The following ROPN1L variants were observed in gnomAD, a reference collection of about 807,000 sequenced individuals.
The protein encoded by ROPN1L is ropporin-1-like protein.
In ROPN1L, 23 loss-of-function variants were observed where a neutral mutation model predicts 22.7. That is an observed-to-expected ratio of 1.01 (90% CI 0.73 to 1.43). The LOEUF (loss-of-function observed/expected upper bound fraction) is 1.43, where lower values mean the gene tolerates loss of function less well. ROPN1L is among the 40% of genes most tolerant of loss of function. The pLI, the probability that ROPN1L is intolerant of heterozygous loss-of-function variation, is 0.00. For synonymous variants in ROPN1L, 116 were observed against 117.8 expected, an observed-to-expected ratio of 0.98 and a Z score of 0.10; for missense variants, 271 against 291.5, an observed-to-expected ratio of 0.93 and a Z score of 0.51.
At chr5:10,448,592 C>T (rs1263217791) in intron 2 of ROPN1L, among the ~76,000 whole-genome samples, 1 of 152,242 alleles carries the variant, frequency 6.6e-6, no homozygotes, top group African/African-American at 2.4e-5. Flanking sequence ...CTAGCTTCAA[C>T]AGCCCCAAGT....
downstream of ROPN1L, among the ~76,000 whole-genome samples, chr5:10,475,024 A>G (rs1579666606): frequency 6.6e-6 from 1 of 152,372 alleles, no homozygotes; most frequent in Non-Finnish European, 1.5e-5. Context: ...ATGGGAATGG[A>G]AATTGCTTGC....
At chr5:10,467,855 C>A (rs1439401736), downstream of ROPN1L, among the ~76,000 whole-genome samples, 1 of 152,200 alleles carries the variant, frequency 6.6e-6, no homozygotes, top group Non-Finnish European at 1.5e-5. Flanking sequence ...ATGCCAAGGC[C>A]TCATTCGGAG....
intron 3 of ROPN1L, among the ~76,000 whole-genome samples, chr5:10,450,549 A>G (rs1046045030): frequency 5.9e-5 from 9 of 152,120 alleles, no homozygotes; most frequent in Admixed American, 2.0e-4. Context: ...CCCAGGCTGG[A>G]GTACAATGGC....
In ROPN1L at chr5:10,458,156, G is replaced by A. The variant is rs149608268; in HGVS notation, c.418-3028G>A. Among the ~76,000 whole-genome samples, 78 of 152,116 alleles carry A rather than the reference G, an allele frequency of 5.1e-4. 1 individual carries two copies. Among genetic ancestry groups the A allele is most frequent in the Admixed American group, 1.6e-3 (25 of 15,288 alleles). On this transcript the variant is annotated intron_variant, in intron 3 of 4. Coordinates refer to ENST00000274134, the MANE Select transcript of ROPN1L (RefSeq NM_031916.5). ...CGGCTCCAGCACAGCACCGGGCTCCGAGGAAATCCTGTGCCACCCGCCAGT... is the reference window on the plus strand; with the variant it reads ...CGGCTCCAGCACAGCACCGGGCTCCAAGGAAATCCTGTGCCACCCGCCAGT...
At chr5:10,449,746 T>G (rs1370475631) in intron 2 of ROPN1L, among the ~76,000 whole-genome samples, 1 of 152,162 alleles carries the variant, frequency 6.6e-6, no homozygotes, top group Non-Finnish European at 1.5e-5. Context: ...TCACCGTCCT[T>G]TTTTCATTTA....
chr5:10,451,056 GC>G (rs1741238083), intron 3 of ROPN1L, among the ~76,000 whole-genome samples: 1 of 152,220 alleles, frequency 6.6e-6, no homozygotes, highest in African/African-American at 2.4e-5. Flanking sequence ...CCAGGCATCT[GC>G]CATGTGAAGC....
intron 1 of ROPN1L, among the ~76,000 whole-genome samples, chr5:10,445,263 G>A (rs1026887596): frequency 6.6e-6 from 1 of 152,146 alleles, no homozygotes; most frequent in African/African-American, 2.4e-5. Flanking sequence ...GAGCCACCGC[G>A]CCTGACCAAG....
chr5:10,477,888 C>G, the ROPN1L span: 1 of 152,342 alleles, frequency 6.6e-6, no homozygotes, highest in East Asian at 1.9e-4. Flanking sequence ...AAAGATCACA[C>G]TACTGCACTC....
At chr5:10,468,957 C>A (rs1377662108), downstream of ROPN1L, among the ~76,000 whole-genome samples, 2 of 151,314 alleles carry the variant, frequency 1.3e-5, no homozygotes, top group Non-Finnish European at 2.9e-5. Context: ...AGATCGAGAC[C>A]ATCCTGGCTA....
At chr5:10,450,157 G>C in intron 3 of ROPN1L, 44 bp downstream of exon 3, 5 of 1,442,750 alleles carry the variant, frequency 3.5e-6, no homozygotes, top group Non-Finnish European at 4.6e-6. Flanking sequence ...GTGTCATCAT[G>C]GTCCCAGCTT....
chr5:10,467,729 C>G (rs142829870), downstream of ROPN1L, among the ~76,000 whole-genome samples: 599 of 152,368 alleles, frequency 3.9e-3, 3 homozygotes, highest in African/African-American at 0.014. Flanking sequence ...TCCTGCATGA[C>G]TCAGCTTGCA....
At chr5:10,466,944 T>C (rs1735165385), downstream of ROPN1L, among the ~76,000 whole-genome samples, 1 of 152,176 alleles carries the variant, frequency 6.6e-6, no homozygotes, top group Non-Finnish European at 1.5e-5. Context: ...CCTCACATGG[T>C]CTTCCCTTGT....
chr5:10,452,319 G>GTCTC (rs1367933934), intron 3 of ROPN1L, among the ~76,000 whole-genome samples: 1 of 144,106 alleles, frequency 6.9e-6, no homozygotes, highest in African/African-American at 2.8e-5. Flanking sequence ...GTGTGTCTGT[G>GTCTC]TGTGTGTGTG....
downstream of ROPN1L, among the ~76,000 whole-genome samples, chr5:10,466,528 G>A (rs1356172924): frequency 1.3e-5 from 2 of 152,098 alleles, no homozygotes; most frequent in African/African-American, 2.4e-5. Context: ...AAACTCCAAC[G>A]TGAAAATCTG....
chr5:10,472,981 C>T (rs1468458831), downstream of ROPN1L, among the ~76,000 whole-genome samples: 1 of 152,120 alleles, frequency 6.6e-6, no homozygotes, highest in Non-Finnish European at 1.5e-5. Flanking sequence ...TGCCAGGGTT[C>T]CCAGGGGCTA....
chr5:10,446,897 G>A (rs923807000), intron 1 of ROPN1L, among the ~76,000 whole-genome samples: 10 of 152,120 alleles, frequency 6.6e-5, no homozygotes, highest in Admixed American at 5.2e-4. Context: ...ACACCCTTTA[G>A]GTCTTTAGGT....
rs768427973 is a variant in ROPN1L, at chr5:10,442,199, A to G, written c.32A>G (p.Gln11Arg). MPLPDTMFCA[Q>R]QIHIPPELPD... is the part of the protein sequence containing the mutation. ...CTTCCCGACACCATGTTCTGCGCTC[A>G]GCAGATCCACATTCCCCCGGAGCTG... The change falls in exon 1 of 5, where the codon CAG (glutamine) becomes CGG (arginine). Residue 11 changes from glutamine (Q) to arginine (R), a missense_variant. Physicochemically the swap from Gln to Arg is conservative, Grantham distance 43 (BLOSUM62 1). Coordinates refer to ENST00000274134, the MANE Select transcript of ROPN1L (RefSeq NM_031916.5). 20 of 1,613,668 alleles carry G rather than the reference A, an allele frequency of 1.2e-5. No homozygotes were observed. The highest frequency in any genetic ancestry group is 1.6e-5 in the Non-Finnish European group (19 of 1,179,886).
At chr5:10,473,621 C>T (rs1232401942), downstream of ROPN1L, among the ~76,000 whole-genome samples, 2 of 152,188 alleles carry the variant, frequency 1.3e-5, no homozygotes, top group Non-Finnish European at 2.9e-5. Context: ...AGGAAATGAG[C>T]ACACTTATTA....
Position 10,442,069 on chromosome 5 carries a change from C to T in ROPN1L, c.-99C>T. On this transcript the variant is annotated 5_prime_UTR_variant, in exon 1 of 5. Coordinates refer to ENST00000274134, the MANE Select transcript of ROPN1L (RefSeq NM_031916.5). ...ATGGGAGGCGGCCCTGGCCGCAAGC[C>T]CCGCGCTGCTAGCGGGTCCACCGCG... 6.6e-7 allele frequency: 1 copy of T among 1,512,386 alleles called. No homozygotes were observed. Among genetic ancestry groups the T allele is most frequent in the Non-Finnish European group, 9.0e-7 (1 of 1,113,898 alleles). 93.7% of individuals were successfully genotyped at this position (1,512,386 alleles called of 1,614,324 possible). A position where few individuals can be genotyped will look rare whatever the true frequency, so the allele number is the denominator to read the frequency against.
Sources: gnomAD v4.1 joint callset for allele counts (sites outside exome capture counted in the v4.1 genomes callset) on GRCh38, gnomAD v4.1.1 for gene constraint, MANE v1.5 for transcripts, NCBI Gene and HGNC (gene_info 2026-07-23, HGNC 2026-07-21) for gene names.